ITPR2: variants seen among roughly 807,000 people sequenced by gnomAD.
The protein encoded by ITPR2 is inositol 1,4,5-trisphosphate-gated calcium channel ITPR2.
A neutral mutation model predicts 317.1 loss-of-function variants in ITPR2; 207 were observed. The observed-to-expected ratio is 0.65, with a 90% CI of 0.58 to 0.73. ITPR2 has a LOEUF of 0.73. Among genes scored for constraint, ITPR2 ranks in the 30% least tolerant of loss-of-function variants. The probability of loss-of-function intolerance (pLI) is 0.00; values close to 1 mark genes in which losing one functional copy is unlikely to be tolerated. For missense variants in ITPR2, 2,613 were observed against 3,284.0 expected (o/e 0.80, Z 4.99); for synonymous variants, 1,156 against 1,149.1 (o/e 1.01, Z -0.12).
chr12:26,805,683 C>T (rs894134345), intron 1 of ITPR2, among the ~76,000 whole-genome samples: 5 of 35,444 alleles, frequency 1.4e-4, no homozygotes, highest in African/African-American at 3.0e-4. Flanking sequence ...TTACATAGCA[C>T]GCTAAGGGAT....
chr12:26,825,831 C>G (rs1951001101), intron 1 of ITPR2, among the ~76,000 whole-genome samples: 1 of 152,232 alleles, frequency 6.6e-6, no homozygotes, highest in Non-Finnish European at 1.5e-5. Context: ...ACTTCTAACA[C>G]TTAGACTTTC....
intron 1 of ITPR2, among the ~76,000 whole-genome samples, chr12:26,824,510 T>C (rs779811841): frequency 1.3e-5 from 2 of 152,344 alleles, no homozygotes; most frequent in African/African-American, 2.4e-5. Context: ...ATTTCAGTAA[T>C]AACAGTTTCT....
chr12:26,495,155 C>T lies in ITPR2; in HGVS notation c.5179G>A (p.Gly1727Arg), dbSNP rs770639341. 8 of 1,525,826 alleles carry T rather than the reference C, an allele frequency of 5.2e-6. No homozygotes were observed. In the Admixed American group the frequency reaches 1.3e-4, roughly 25 times the overall value. 94.5% of individuals were successfully genotyped at this position (1,525,826 alleles called of 1,614,324 possible). The change falls in exon 38 of 57, where the codon GGA (glycine) becomes AGA (arginine). Residue 1727 changes from glycine (G) to arginine (R), a missense_variant. By Grantham distance (125) the Gly-to-Arg change is moderately radical (BLOSUM62 -2). Around this residue, in one of 9 missense-constraint regions of ITPR2, gnomAD observed 926 missense variants for 1,072.8 expected, o/e 0.86. Coordinates refer to ENST00000381340, the MANE Select transcript of ITPR2 (RefSeq NM_002223.4). Reference sequence around the variant, plus strand: ...GAAAACAAATGACAGGACTTACCTCCCACCTGTGCAGTTTTGGAGTAGGCT... The same window carrying T: ...GAAAACAAATGACAGGACTTACCTCTCACCTGTGCAGTTTTGGAGTAGGCT... Reference protein sequence around the residue: ...SGAYSKTAQVGGSFSGQDSDK... With the variant: ...SGAYSKTAQVRGSFSGQDSDK...
intron 22 of ITPR2, among the ~76,000 whole-genome samples, chr12:26,630,355 A>T (rs571058164): frequency 1.3e-5 from 2 of 152,088 alleles, no homozygotes; most frequent in South Asian, 4.2e-4. Context: ...AGGCAGAGAA[A>T]AAGAATTAAG....
chr12:26,634,275 T>C (rs558363011), intron 21 of ITPR2, among the ~76,000 whole-genome samples: 1 of 152,332 alleles, frequency 6.6e-6, no homozygotes, highest in Admixed American at 6.5e-5. Context: ...ATCACAGCCA[T>C]GCAAAGCTTC....
intron 21 of ITPR2, chr12:26,649,047 GATTA>G (rs1386600776): frequency 2.0e-5 from 3 of 152,102 alleles, no homozygotes; most frequent in Non-Finnish European, 4.4e-5. Flanking sequence ...TTTCCTACCA[GATTA>G]ATTATTTAAG....
At chr12:26,802,070 T>C (rs1257049176) in intron 1 of ITPR2, among the ~76,000 whole-genome samples, 2 of 151,846 alleles carry the variant, frequency 1.3e-5, no homozygotes, top group African/African-American at 4.8e-5. Flanking sequence ...GAAGGTGAGG[T>C]GAGAGGATCA....
chr12:26,554,263 A>G (rs1944604515), intron 36 of ITPR2, among the ~76,000 whole-genome samples: 1 of 152,250 alleles, frequency 6.6e-6, no homozygotes, highest in African/African-American at 2.4e-5. Flanking sequence ...CATTAGCCAC[A>G]TGTGGCTACT....
intron 37 of ITPR2, among the ~76,000 whole-genome samples, chr12:26,497,674 C>G (rs2136881119): frequency 6.6e-6 from 1 of 151,940 alleles, no homozygotes; most frequent in African/African-American, 2.4e-5. Flanking sequence ...AGTTAACACT[C>G]AACTAACATG....
intron 24 of ITPR2, chr12:26,623,533 C>A (rs1423135117): frequency 2.0e-5 from 3 of 152,108 alleles, no homozygotes; most frequent in African/African-American, 4.8e-5. Context: ...TAAATTTTAT[C>A]ATACGCATGT....
At chr12:26,532,851 A>G (rs751610607) in intron 37 of ITPR2, among the ~76,000 whole-genome samples, 1 of 151,848 alleles carries the variant, frequency 6.6e-6, no homozygotes, top group Non-Finnish European at 1.5e-5. Flanking sequence ...ACGCCCAGCT[A>G]ATTTTTGTAT....
At chr12:26,467,208 G>A (rs1200879417) in intron 45 of ITPR2, among the ~76,000 whole-genome samples, 1 of 152,106 alleles carries the variant, frequency 6.6e-6, no homozygotes, top group African/African-American at 2.4e-5. Context: ...TATAGCTCAA[G>A]CAATTGTAGT....
At chr12:26,457,353 G>A (rs563880747) in intron 45 of ITPR2, among the ~76,000 whole-genome samples, 12 of 152,248 alleles carry the variant, frequency 7.9e-5, no homozygotes, top group East Asian at 3.9e-4. Flanking sequence ...AAGTAAAGAC[G>A]AAAGTGGCCA....
intron 55 of ITPR2, among the ~76,000 whole-genome samples, chr12:26,358,080 C>A (rs1591959881): frequency 6.6e-6 from 1 of 152,250 alleles, no homozygotes; most frequent in East Asian, 1.9e-4. Context: ...TATCTGGGGT[C>A]TATGGATAAA....
chr12:26,340,314 A>G lies in ITPR2; in HGVS notation c.7872T>C (p.Asp2624=), dbSNP rs1330598031. 2 of 1,599,502 alleles carry G rather than the reference A, an allele frequency of 1.3e-6. No homozygotes were observed. The highest frequency in any genetic ancestry group is 1.3e-5 in the African/African-American group (1 of 74,426). The change falls in exon 56 of 57, where the codon GAT becomes GAC. Residue 2624 remains aspartate (D), a synonymous_variant. Transcript: ENST00000381340. ...ACATGGCTCGCATCCGAGGAAACCA[A>G]TCCAAATTCTTCTCCTGAAAGCAAA... ...VAQMIVEKNL[D]WFPRMRAMSL... is the part of the protein sequence containing the mutation.
intron 55 of ITPR2, among the ~76,000 whole-genome samples, chr12:26,346,523 T>C (rs905423801): frequency 6.6e-5 from 10 of 151,716 alleles, no homozygotes; most frequent in African/African-American, 2.4e-4. Flanking sequence ...CTCGAGAAGC[T>C]GAGGCAGGAG....
chr12:26,517,413 A>G (rs1169746429), intron 37 of ITPR2, among the ~76,000 whole-genome samples: 1 of 152,250 alleles, frequency 6.6e-6, no homozygotes, highest in Non-Finnish European at 1.5e-5. Context: ...TTCTCAAAAG[A>G]ACACATACAT....
intron 2 of ITPR2, among the ~76,000 whole-genome samples, chr12:26,788,235 A>C (rs1333707847): frequency 1.3e-5 from 2 of 152,120 alleles, no homozygotes; most frequent in Non-Finnish European, 2.9e-5. Flanking sequence ...TTGTTTAATG[A>C]CTTAAAATGC....
At chr12:26,423,259 T>G (rs185394074) in intron 49 of ITPR2, among the ~76,000 whole-genome samples, 3 of 152,304 alleles carry the variant, frequency 2.0e-5, no homozygotes, top group Admixed American at 2.0e-4. Flanking sequence ...ACTGAATTTG[T>G]GTATGTTAAA....
Sources: gnomAD v4.1 joint callset for allele counts (sites outside exome capture counted in the v4.1 genomes callset) on GRCh38, gnomAD v4.1.1 for gene constraint, gnomAD v4.1.1 regional missense constraint, MANE v1.5 for transcripts, NCBI Gene and HGNC (gene_info 2026-07-23, HGNC 2026-07-21) for gene names.